Variants in NHSL1 observed in about 807,000 individuals in gnomAD.
NHSL1 encodes NHS like 1.
A neutral mutation model predicts 95.0 loss-of-function variants in NHSL1; 48 were observed. The ratio of observed to expected loss-of-function variants is 0.51; its 90% confidence interval spans 0.40 to 0.64. NHSL1 has a LOEUF of 0.64. NHSL1 is among the 30% of genes least tolerant of loss of function. NHSL1 has a pLI of 0.00. For missense variants in NHSL1, 1,971 were observed against 2,077.7 expected (o/e 0.95, Z 1.00); for synonymous variants, 783 against 833.9 (o/e 0.94, Z 1.05).
intron 1 of NHSL1, among the ~76,000 whole-genome samples, chr6:138,522,731 G>C (rs1367236070): frequency 1.3e-5 from 2 of 152,012 alleles, no homozygotes; most frequent in African/African-American, 4.8e-5. Context: ...AGATCACTTG[G>C]GCCCAGGCGG....
chr6:138,430,953 G>A lies in NHSL1; in HGVS notation c.3392C>T (p.Pro1131Leu). Residue 1131 changes from proline (P) to leucine (L), a missense_variant, in exon 6 of 8, where the codon CCT (proline) becomes CTT (leucine). Physicochemically the swap from Pro to Leu is moderately conservative, Grantham distance 98 (BLOSUM62 -3). Transcript: ENST00000343505. This position sits in a 1 kb window ranked among gnomAD's most constrained non-coding sequence, Gnocchi z 4.7. ...CGGAAGCGAGCTTGTCACAGAGGCA[G>A]GCTGGCTTTCACTCTCCATTTCATT... ...STNEMESESQ[P>L]ASVTSSLPTP... 6.4e-7 allele frequency: 1 copy of A among 1,551,722 alleles called. No homozygotes were observed. Among genetic ancestry groups the A allele is most frequent in the Non-Finnish European group, 8.7e-7 (1 of 1,146,946 alleles).
chr6:138,429,978 T>C, intron 6 of NHSL1, 135 bp from the exon 7 acceptor site: 1 of 848,170 alleles, frequency 1.2e-6, no homozygotes. Context: ...GGGTCTGTAG[T>C]TTGATAGTTT....
chr6:138,498,339 T>C (rs1172105479), intron 1 of NHSL1, among the ~76,000 whole-genome samples: 1 of 152,194 alleles, frequency 6.6e-6, no homozygotes, highest in African/African-American at 2.4e-5. Context: ...CTGGCTCCTA[T>C]GAAAAAGTCT....
chr6:138,608,369 A>C (rs1784462447), intron 1 of NHSL1, among the ~76,000 whole-genome samples: 1 of 143,302 alleles, frequency 7.0e-6, no homozygotes, highest in South Asian at 2.3e-4. Flanking sequence ...TACATGAAGC[A>C]GAATTTTAAC....
At position 138,464,292 on chromosome 6, in the gene NHSL1, C is replaced by T. The variant is rs538664166; in HGVS notation, c.339+9014G>A. On this transcript the variant is annotated intron_variant, in intron 3 of 7. Coordinates refer to ENST00000343505, the MANE Select transcript of NHSL1 (RefSeq NM_001144060.2). ...TTCCTGCTTTGGCAGACCCTGGTGT[C>T]GTGGGCGGACTGGGCCCTCAGCGCC... 1.1e-5 allele frequency: 8 copies of T among 733,648 alleles called. 1 individual carries two copies. Among genetic ancestry groups the T allele is most frequent in the South Asian group, 9.2e-5 (6 of 64,904 alleles). 45.4% of individuals were successfully genotyped at this position (733,648 alleles called of 1,614,324 possible). A position where few individuals can be genotyped will look rare whatever the true frequency, so the allele number is the denominator to read the frequency against.
chr6:138,474,470 A>T (rs1464333175), intron 2 of NHSL1, among the ~76,000 whole-genome samples: 1 of 152,116 alleles, frequency 6.6e-6, no homozygotes, highest in Non-Finnish European at 1.5e-5. Flanking sequence ...AATTTTAAAT[A>T]AGCCAGGGGA....
chr6:138,567,816 C>T (rs577545702), intron 1 of NHSL1, among the ~76,000 whole-genome samples: 9 of 152,188 alleles, frequency 5.9e-5, no homozygotes, highest in East Asian at 1.9e-4. Flanking sequence ...CTAGTCTGTA[C>T]GATAAAGTCC....
intron 3 of NHSL1, among the ~76,000 whole-genome samples, chr6:138,449,052 CAA>C (rs545496586): frequency 0.19 from 16,400 of 88,210 alleles, 845 homozygotes; most frequent in Middle Eastern, 0.27. Flanking sequence ...AATTCTGTCT[CAA>C]AAAAAAAAAA....
chr6:138,517,115 T>C (rs1048800728), intron 1 of NHSL1, among the ~76,000 whole-genome samples: 34 of 152,322 alleles, frequency 2.2e-4, no homozygotes, highest in African/African-American at 7.7e-4. Context: ...TGCCTACTCT[T>C]TGGCTGTATC....
At chr6:138,447,857 C>A (rs1475181319) in intron 3 of NHSL1, among the ~76,000 whole-genome samples, 2 of 152,182 alleles carry the variant, frequency 1.3e-5, no homozygotes, top group African/African-American at 4.8e-5. Flanking sequence ...CCATCAGTTT[C>A]CATTTTTATT....
chr6:138,670,168 T>A (rs1343598783), intron 1 of NHSL1, among the ~76,000 whole-genome samples: 1 of 151,756 alleles, frequency 6.6e-6, no homozygotes, highest in Non-Finnish European at 1.5e-5. Flanking sequence ...ATAAAGTTAC[T>A]GACAGGTCCT....
At chr6:138,625,196 T>G (rs1784720290) in intron 1 of NHSL1, among the ~76,000 whole-genome samples, 1 of 152,132 alleles carries the variant, frequency 6.6e-6, no homozygotes, top group African/African-American at 2.4e-5. Context: ...CAGGCTGGAG[T>G]GCAGTGTGTG....
rs73774845 is a variant in NHSL1, at chr6:138,596,771, G to C, written c.96+95705C>G. Among the ~76,000 whole-genome samples, 967 of 152,024 alleles carry C rather than the reference G, an allele frequency of 6.4e-3. 11 individuals are homozygous for C. Among genetic ancestry groups the C allele is most frequent in the African/African-American group, 0.02 (830 of 41,476 alleles). The stretch of plus-strand genomic sequence containing the variant: ...TCACCCACATTCAATTGGCGGGGGT[G>C]GGGGGGAAGTTCTGAAAGCTTCCAT... On this transcript the variant is annotated intron_variant, in intron 1 of 3. Coordinates refer to the NHSL1 transcript ENST00000491526.
chr6:138,593,374 C>T (rs956904356), intron 1 of NHSL1, among the ~76,000 whole-genome samples: 5 of 152,198 alleles, frequency 3.3e-5, no homozygotes, highest in South Asian at 2.1e-4. Context: ...GTCACGTTTC[C>T]GTTTCCTCTC....
chr6:138,674,954 G>A (rs1443988064), intron 1 of NHSL1, among the ~76,000 whole-genome samples: 1 of 151,754 alleles, frequency 6.6e-6, no homozygotes, highest in Non-Finnish European at 1.5e-5. Flanking sequence ...AGGCTTAGGT[G>A]AGAGGATGGC....
chr6:138,523,652 A>AAAAAAC lies in NHSL1; in HGVS notation c.16+21970_16+21971insGTTTTT, dbSNP rs1781784334. On this transcript the variant is annotated intron_variant, in intron 1 of 4. Coordinates refer to the NHSL1 transcript ENST00000342260. ...GAAAAAAAAAAAAAAAAAAAAAAAA[A>AAAAAAC]CAGAGCTAAAAGCTCCAGGAATAGA... Among the ~76,000 whole-genome samples the AAAAAAC allele has an allele frequency of 2.0e-5, 3 of 150,188 alleles. No individual in the cohort carries two copies. The East Asian group carries it at 5.9e-4, about 30-fold the overall frequency.
At chr6:138,614,601 C>A (rs1784554546) in intron 1 of NHSL1, among the ~76,000 whole-genome samples, 2 of 152,076 alleles carry the variant, frequency 1.3e-5, no homozygotes, top group African/African-American at 4.8e-5. Flanking sequence ...CCATTTCAAC[C>A]GAGGAAACTG....
At chr6:138,494,723 C>T (rs866400285) in intron 2 of NHSL1, among the ~76,000 whole-genome samples, 7 of 152,124 alleles carry the variant, frequency 4.6e-5, no homozygotes, top group Non-Finnish European at 8.8e-5. Flanking sequence ...AGTTAAATTA[C>T]ATTTCAGATA....
At chr6:138,578,381 G>T (rs1055378070) in intron 1 of NHSL1, among the ~76,000 whole-genome samples, 2 of 152,116 alleles carry the variant, frequency 1.3e-5, no homozygotes, top group East Asian at 3.9e-4. Flanking sequence ...TAAAGAAGCC[G>T]CCACTGACAC....
Sources: gnomAD v4.1 joint callset for allele counts (sites outside exome capture counted in the v4.1 genomes callset) on GRCh38, gnomAD v4.1.1 for gene constraint, Gnocchi (gnomAD v3.1) non-coding constraint, MANE v1.5 for transcripts, NCBI Gene and HGNC (gene_info 2026-07-23, HGNC 2026-07-21) for gene names.